The following CNTN5 variants were observed in gnomAD, a reference collection of about 807,000 sequenced individuals.
The protein encoded by CNTN5 is contactin-5.
In CNTN5, 77 loss-of-function variants were observed where a neutral mutation model predicts 129.1. That is an observed-to-expected ratio of 0.60 (90% CI 0.50 to 0.72). The LOEUF is 0.72. Ranked by LOEUF, CNTN5 falls within the 30% of genes least tolerant of loss-of-function variation. The pLI, the probability that CNTN5 is intolerant of heterozygous loss-of-function variation, is 0.00. For missense variants in CNTN5, 1,478 were observed against 1,328.8 expected, an observed-to-expected ratio of 1.11 and a Z score of -1.75; for synonymous variants, 509 against 465.6, an observed-to-expected ratio of 1.09 and a Z score of -1.20.
At chr11:99,180,982 T>C (rs557394489) in intron 1 of CNTN5, among the ~76,000 whole-genome samples, 13 of 152,362 alleles carry the variant, frequency 8.5e-5, no homozygotes, top group African/African-American at 3.1e-4. Flanking sequence ...ATTCATCTTA[T>C]AACAACGTAA....
chr11:99,810,115 CAAAACAAGA>C (rs1946386440), intron 3 of CNTN5, among the ~76,000 whole-genome samples: 1 of 151,966 alleles, frequency 6.6e-6, no homozygotes, highest in East Asian at 1.9e-4. Flanking sequence ...TGAAAAAATA[CAAAACAAGA>C]AAACTGTTAG....
chr11:99,898,275 G>A (rs555133268), intron 6 of CNTN5, among the ~76,000 whole-genome samples: 135 of 152,000 alleles, frequency 8.9e-4, no homozygotes, highest in Non-Finnish European at 1.7e-3. Context: ...GAAATAAAAG[G>A]TTGGTTCTTT....
chr11:99,035,650 G>A (rs1183399862), intron 1 of CNTN5, among the ~76,000 whole-genome samples: 2 of 150,778 alleles, frequency 1.3e-5, no homozygotes, highest in African/African-American at 2.4e-5. Flanking sequence ...CTTTTATTTT[G>A]AGCCTATGTG....
chr11:100,278,353 C>T (rs1466046081), intron 18 of CNTN5, among the ~76,000 whole-genome samples: 1 of 151,984 alleles, frequency 6.6e-6, no homozygotes, highest in Non-Finnish European at 1.5e-5. Flanking sequence ...TGAAGAATAT[C>T]ATTGTTATTT....
At chr11:99,350,568 A>G (rs1048183731) in intron 2 of CNTN5, among the ~76,000 whole-genome samples, 24 of 152,174 alleles carry the variant, frequency 1.6e-4, no homozygotes, top group African/African-American at 5.6e-4. Flanking sequence ...GCTGTCTGTT[A>G]AAGGTGAATG....
intron 4 of CNTN5, among the ~76,000 whole-genome samples, chr11:99,841,689 A>G (rs1178054944): frequency 1.3e-5 from 2 of 151,246 alleles, no homozygotes; most frequent in Admixed American, 6.6e-5. Flanking sequence ...AGAGAATGAC[A>G]AGAATGAAAA....
intron 7 of CNTN5, among the ~76,000 whole-genome samples, chr11:99,933,210 T>C (rs1443429782): frequency 6.6e-6 from 1 of 152,186 alleles, no homozygotes; most frequent in Non-Finnish European, 1.5e-5. Context: ...TCTAGAGAAA[T>C]AGAAACAAAT....
intron 3 of CNTN5, among the ~76,000 whole-genome samples, chr11:99,805,252 A>G (rs772204975): frequency 6.6e-6 from 1 of 152,158 alleles, no homozygotes; most frequent in Admixed American, 6.5e-5. Context: ...AGCAGTGCTA[A>G]TGGGTATAGA....
At chr11:99,618,921 G>T (rs1472300864) in intron 3 of CNTN5, among the ~76,000 whole-genome samples, 1 of 151,000 alleles carries the variant, frequency 6.6e-6, no homozygotes, top group Non-Finnish European at 1.5e-5. Flanking sequence ...AAACTGTTTG[G>T]CTAACCCAGC....
intron 9 of CNTN5, among the ~76,000 whole-genome samples, chr11:100,040,055 G>A (rs547952255): frequency 6.6e-6 from 1 of 152,170 alleles, no homozygotes; most frequent in African/African-American, 2.4e-5. Flanking sequence ...CTGATTTTTA[G>A]AGTTTCTGGT....
intron 1 of CNTN5, among the ~76,000 whole-genome samples, chr11:99,197,064 G>A (rs907502306): frequency 6.6e-6 from 1 of 151,816 alleles, no homozygotes; most frequent in Non-Finnish European, 1.5e-5. Context: ...GTTTAGCAGA[G>A]AAAAATGACC....
At chr11:99,356,117 C>T (rs1031022150) in intron 2 of CNTN5, among the ~76,000 whole-genome samples, 7 of 152,182 alleles carry the variant, frequency 4.6e-5, no homozygotes, top group East Asian at 3.9e-4. Context: ...TGAGCCACCG[C>T]GCCCGGCCTC....
intron 7 of CNTN5, among the ~76,000 whole-genome samples, chr11:99,935,372 G>A (rs927558372): frequency 6.6e-6 from 1 of 151,738 alleles, no homozygotes; most frequent in Middle Eastern, 3.4e-3. Flanking sequence ...TAGAGATTAG[G>A]TTTTTTTCAC....
chr11:99,224,296 T>C (rs1860560500), intron 1 of CNTN5, among the ~76,000 whole-genome samples: 1 of 152,194 alleles, frequency 6.6e-6, no homozygotes, highest in Admixed American at 6.6e-5. Context: ...GACAAGTGCA[T>C]GCAATGTAAG....
intron 2 of CNTN5, among the ~76,000 whole-genome samples, chr11:99,526,694 G>A (rs904958088): frequency 4.6e-5 from 7 of 152,166 alleles, no homozygotes; most frequent in African/African-American, 1.7e-4. Flanking sequence ...TTATATACAA[G>A]GTGTGGCATC....
chr11:99,823,620 T>G (rs1020218042), intron 4 of CNTN5, among the ~76,000 whole-genome samples: 3 of 152,196 alleles, frequency 2.0e-5, no homozygotes, highest in Non-Finnish European at 2.9e-5. Context: ...TTCATTACAT[T>G]AGAAATTGTC....
At chr11:99,351,746 A>G (rs77434531) in intron 2 of CNTN5, among the ~76,000 whole-genome samples, 1 of 152,276 alleles carries the variant, frequency 6.6e-6, no homozygotes, top group East Asian at 1.9e-4. Flanking sequence ...ATGGAGTTCA[A>G]TGTTACTGAG....
chr11:99,961,206 G>GAAAAAAAA (rs769692454), intron 8 of CNTN5, among the ~76,000 whole-genome samples: 1 of 95,694 alleles, frequency 1.0e-5, no homozygotes, highest in African/African-American at 4.0e-5. Context: ...CTCCGTCTCA[G>GAAAAAAAA]AAAAAAAAAA....
At chr11:100,121,517 G>A (rs971246683) in intron 13 of CNTN5, among the ~76,000 whole-genome samples, 1 of 151,920 alleles carries the variant, frequency 6.6e-6, no homozygotes, top group Non-Finnish European at 1.5e-5. Context: ...GGGGTGGGGA[G>A]GGCAATTGTT....
Sources: gnomAD v4.1 joint callset for allele counts (sites outside exome capture counted in the v4.1 genomes callset) on GRCh38, gnomAD v4.1.1 for gene constraint, MANE v1.5 for transcripts, NCBI Gene and HGNC (gene_info 2026-07-23, HGNC 2026-07-21) for gene names.